Variants in IGSF21 observed in about 807,000 individuals in gnomAD.
IGSF21 encodes immunoglobulin superfamily member 21.
IGSF21 carries 28 observed loss-of-function variants against 46.8 expected under a neutral mutation model. The ratio of observed to expected loss-of-function variants is 0.60; its 90% CI spans 0.44 to 0.82. The LOEUF (loss-of-function observed/expected upper bound fraction) is 0.82. Among genes scored for constraint, IGSF21 ranks in the 40% least tolerant of loss-of-function variants. IGSF21 has a pLI of 0.00. For missense variants in IGSF21, 624 were observed against 665.5 expected, an observed-to-expected ratio of 0.94 and a Z score of 0.69; for synonymous variants, 284 against 273.6, an observed-to-expected ratio of 1.04 and a Z score of -0.38.
At chr1:18,359,727 T>C (rs968224818) in intron 4 of IGSF21, among the ~76,000 whole-genome samples, 20 of 152,328 alleles carry the variant, frequency 1.3e-4, no homozygotes, top group Admixed American at 5.2e-4. Flanking sequence ...CACTGATCTT[T>C]GGGGTAACTG....
chr1:18,350,693 A>G (rs1458261819), intron 4 of IGSF21, among the ~76,000 whole-genome samples: 4 of 152,040 alleles, frequency 2.6e-5, no homozygotes, highest in African/African-American at 9.7e-5. Context: ...GCCCTTCTCT[A>G]CAGCTCCTCC....
intron 6 of IGSF21, among the ~76,000 whole-genome samples, chr1:18,368,516 G>GA (rs202029738): frequency 8.3e-5 from 12 of 143,890 alleles, no homozygotes; most frequent in Non-Finnish European, 1.1e-4. Flanking sequence ...ATCTCAAAAA[G>GA]AAAAAAAAAA....
intron 1 of IGSF21, among the ~76,000 whole-genome samples, chr1:18,199,591 A>G (rs556806070): frequency 2.0e-5 from 3 of 151,914 alleles, no homozygotes; most frequent in African/African-American, 4.8e-5. Context: ...GGCCATCTGC[A>G]TGTGCGTGAT....
intron 2 of IGSF21, among the ~76,000 whole-genome samples, chr1:18,282,747 T>C (rs2085174310): frequency 6.6e-6 from 1 of 151,996 alleles, no homozygotes; most frequent in Non-Finnish European, 1.5e-5. Context: ...GCATTGTGCA[T>C]GCACAACACC....
chr1:18,266,302 C>A (rs2084989337), intron 2 of IGSF21, among the ~76,000 whole-genome samples: 1 of 152,194 alleles, frequency 6.6e-6, no homozygotes, highest in Non-Finnish European at 1.5e-5. Context: ...AGGAGCTGAT[C>A]ACAGGCAGTT....
chr1:18,355,024 G>A (rs2086000677), intron 4 of IGSF21, among the ~76,000 whole-genome samples: 1 of 152,218 alleles, frequency 6.6e-6, no homozygotes, highest in Non-Finnish European at 1.5e-5. Flanking sequence ...TTTGATAGAT[G>A]GGAAGACTGA....
At chr1:18,304,029 T>A (rs1557634222) in intron 3 of IGSF21, among the ~76,000 whole-genome samples, 1 of 151,986 alleles carries the variant, frequency 6.6e-6, no homozygotes, top group South Asian at 2.1e-4. Context: ...TGGGGTGTGA[T>A]GGGGCTGGAC....
intron 2 of IGSF21, among the ~76,000 whole-genome samples, chr1:18,261,730 G>A (rs1171281833): frequency 6.6e-6 from 1 of 152,204 alleles, no homozygotes; most frequent in East Asian, 1.9e-4. Flanking sequence ...CGTCCAGAAT[G>A]TCTCCCTGCC....
chr1:18,285,087 GA>G (rs1353666985), intron 2 of IGSF21, among the ~76,000 whole-genome samples: 1 of 152,168 alleles, frequency 6.6e-6, no homozygotes, highest in Non-Finnish European at 1.5e-5. Flanking sequence ...CCATAAGTGG[GA>G]TATCAAGTTT....
intron 3 of IGSF21, among the ~76,000 whole-genome samples, chr1:18,329,965 G>A (rs2085696361): frequency 6.6e-6 from 1 of 152,216 alleles, no homozygotes; most frequent in South Asian, 2.1e-4. Flanking sequence ...CTTCAGAGAT[G>A]CCGTCGGTGT....
chr1:18,161,615 C>T (rs1262498435), intron 1 of IGSF21, among the ~76,000 whole-genome samples: 1 of 152,130 alleles, frequency 6.6e-6, no homozygotes, highest in African/African-American at 2.4e-5. Flanking sequence ...CTCAGCAATC[C>T]CCTGGCTGAG....
At position 18,365,271 on chromosome 1, in the gene IGSF21, G is replaced by A. The variant is rs778581966; in HGVS notation, c.589G>A (p.Glu197Lys). 1.9e-6 allele frequency: 3 copies of A among 1,613,384 alleles called. No homozygotes were observed. Among genetic ancestry groups the A allele is most frequent in the Non-Finnish European group, 2.5e-6 (3 of 1,179,640 alleles). The change falls in exon 6 of 10, where the codon GAG becomes AAG. Residue 197 changes from glutamate (E) to lysine (K), a missense_variant. By Grantham distance (56) the Glu-to-Lys change is moderately conservative. Transcript: ENST00000251296. The surrounding 1 kb of genome is among the most constrained non-coding windows in gnomAD (Gnocchi z 4.8). ...ACCAATCGACGCAGTGCCCCTATCAGAGCCACCAGCTGCGAGCTCCGGCCC... is the reference window on the plus strand; with the variant it reads ...ACCAATCGACGCAGTGCCCCTATCAAAGCCACCAGCTGCGAGCTCCGGCCC... ...GEPIDAVPLSEPPAASSGPLQ... is the reference protein window; with the variant it reads ...GEPIDAVPLSKPPAASSGPLQ...
At chr1:18,207,974 G>A (rs557297273) in intron 1 of IGSF21, among the ~76,000 whole-genome samples, 95 of 152,270 alleles carry the variant, frequency 6.2e-4, no homozygotes, top group African/African-American at 2.2e-3. Context: ...GAAAAAAAAC[G>A]GGTTCAAAAG....
At chr1:18,235,664 G>T (rs530062778) in intron 2 of IGSF21, among the ~76,000 whole-genome samples, 1 of 152,208 alleles carries the variant, frequency 6.6e-6, no homozygotes, top group Non-Finnish European at 1.5e-5. Context: ...GGAAAAATGG[G>T]CAGAGACCGT....
intron 2 of IGSF21, among the ~76,000 whole-genome samples, chr1:18,242,680 T>C (rs1461787344): frequency 6.6e-6 from 1 of 152,218 alleles, no homozygotes. Flanking sequence ...CCCTCTTTAC[T>C]CTATGAATAT....
chr1:18,377,356 T>C, intron 8 of IGSF21, 37 bp from the exon 9 acceptor site: 1 of 1,600,376 alleles, frequency 6.2e-7, no homozygotes, highest in Non-Finnish European at 8.6e-7. Flanking sequence ...CTGAAGGCCA[T>C]CCACCCTTTG....
chr1:18,219,295 G>T (rs1358501449), intron 1 of IGSF21, among the ~76,000 whole-genome samples: 4 of 152,218 alleles, frequency 2.6e-5, no homozygotes, highest in African/African-American at 9.6e-5. Context: ...TGGGTATCTA[G>T]GGAAAGATTG....
Position 18,322,207 on chromosome 1 carries a change from G to A in IGSF21, c.306-12685G>A, listed in dbSNP as rs556524766. On this transcript the variant is annotated intron_variant, in intron 3 of 9. Coordinates refer to ENST00000251296, the MANE Select transcript of IGSF21 (RefSeq NM_032880.5). The surrounding 1 kb of genome is among the most constrained non-coding windows in gnomAD (Gnocchi z 4.3). ...ACCTCTCACTGGTACACTGATGAAC[G>A]AGGCCTGCATCGGCTCCTGGAACTC... 1.3e-4 allele frequency among the ~76,000 whole-genome samples: 20 copies of A among 152,254 alleles called. No homozygotes were observed. The South Asian group carries it at 4.1e-3, about 32-fold the overall frequency.
Position 18,365,984 on chromosome 1 carries a change from G to T in IGSF21, c.1015+287G>T, listed in dbSNP as rs1168380435. On this transcript the variant is annotated intron_variant, in intron 6 of 9. Coordinates refer to ENST00000251296, the MANE Select transcript of IGSF21 (RefSeq NM_032880.5). This position sits in a 1 kb window ranked among gnomAD's most constrained non-coding sequence, Gnocchi z 4.8. ...ATAGGGTCAGGGACACAGGAGATCA[G>T]GGGAGGTCAGAGGAGTTCCTGGATT... is the stretch of plus-strand genomic sequence containing the variant. 2.0e-5 allele frequency among the ~76,000 whole-genome samples: 3 copies of T among 152,172 alleles called. No homozygotes were observed. The highest frequency in any genetic ancestry group is 7.2e-5 in the African/African-American group (3 of 41,438).
Sources: allele counts gnomAD v4.1 joint callset (sites outside exome capture counted in the v4.1 genomes callset), GRCh38; gene constraint gnomAD v4.1.1; non-coding constraint Gnocchi (gnomAD v3.1); transcripts MANE v1.5; gene names NCBI Gene and HGNC (gene_info 2026-07-23, HGNC 2026-07-21).